The following TRMT44 variants were observed in gnomAD, a reference collection of about 807,000 sequenced individuals.
The protein encoded by TRMT44 is tRNA methyltransferase 44 homolog.
Under a neutral mutation model 77.3 loss-of-function variants are expected in TRMT44, and 78 were observed. The observed-to-expected ratio is 1.01, with a 90% confidence interval of 0.84 to 1.22. The LOEUF (loss-of-function observed/expected upper bound fraction) is 1.22. Among genes scored for constraint, TRMT44 ranks in the 50% most tolerant of loss-of-function variants. TRMT44 has a pLI of 0.00. For synonymous variants in TRMT44, 391 were observed against 383.3 expected, an observed-to-expected ratio of 1.02 and a Z score of -0.23; for missense variants, 1,090 against 964.4, an observed-to-expected ratio of 1.13 and a Z score of -1.73.
chr4:8,477,373 C>T (rs1257311013), downstream of TRMT44: 1 of 152,270 alleles, frequency 6.6e-6, no homozygotes, highest in Non-Finnish European at 1.5e-5. Context: ...AGGTGCCTGG[C>T]CCTGGAAGTG....
At position 8,476,163 on chromosome 4, in the gene TRMT44, A is replaced by G; in HGVS notation, c.*162A>G. The G allele has an allele frequency of 3.0e-6, 2 of 673,896 alleles. No homozygotes were observed. Among genetic ancestry groups the G allele is most frequent in the South Asian group, 3.8e-5 (2 of 52,268 alleles). 41.7% of individuals were successfully genotyped at this position (673,896 alleles called of 1,614,324 possible). ...TGATGAACCGTATTTCATAAACATCACACGCCAGAGAAGCCACAGTTACTC... is the reference window on the plus strand; with the variant it reads ...TGATGAACCGTATTTCATAAACATCGCACGCCAGAGAAGCCACAGTTACTC... On this transcript the variant is annotated 3_prime_UTR_variant, in exon 11 of 11. Coordinates refer to ENST00000389737, the MANE Select transcript of TRMT44 (RefSeq NM_152544.3).
intron 6 of TRMT44, among the ~76,000 whole-genome samples, chr4:8,459,653 A>T (rs988782994): frequency 6.6e-6 from 1 of 152,206 alleles, no homozygotes. Flanking sequence ...AAAAGGTCCT[A>T]CTTCAGATAT....
At chr4:8,485,066 G>A (rs1258201229) in intron 2 of TRMT44, among the ~76,000 whole-genome samples, 1 of 152,176 alleles carries the variant, frequency 6.6e-6, no homozygotes, top group East Asian at 1.9e-4. Flanking sequence ...ATTGAATAAG[G>A]TGAGAAGCAG....
chr4:8,490,894 AG>A (rs1474637164), intron 2 of TRMT44, among the ~76,000 whole-genome samples: 1 of 152,166 alleles, frequency 6.6e-6, no homozygotes, highest in East Asian at 1.9e-4. Flanking sequence ...CTAGATACAA[AG>A]GTTCTCCACG....
chr4:8,477,440 A>T (rs995482934), downstream of TRMT44: 3 of 152,180 alleles, frequency 2.0e-5, no homozygotes, highest in Non-Finnish European at 4.4e-5. Context: ...GGCAGGCCCC[A>T]GTTTGTCGAG....
rs1028632860 is a variant in TRMT44 at position 8,487,641 on chromosome 4, A to C, written n.3892-5625A>C. Among the ~76,000 whole-genome samples, 7 of 152,052 alleles carry C rather than the reference A, an allele frequency of 4.6e-5. No individual in the cohort carries two copies. In the East Asian group the frequency reaches 1.4e-3, roughly 30 times the overall value. On this transcript the variant is annotated intron_variant and non_coding_transcript_variant, in intron 2 of 2. Transcript: ENST00000511366. ...GATAAGAGGTCGGGGCGTGGAAATA[A>C]GGGATTGGGGGTTCTTGCCCCCTAG...
intron 10 of TRMT44, among the ~76,000 whole-genome samples, chr4:8,475,300 C>T (rs997745666): frequency 6.6e-6 from 1 of 152,184 alleles, no homozygotes; most frequent in Non-Finnish European, 1.5e-5. Flanking sequence ...CACCGTGGTC[C>T]CTCCTTCCTC....
chr4:8,467,982 T>C lies in TRMT44; in HGVS notation c.1563T>C (p.Thr521=). ...SREASVDEKR[T]QYIKSRRGCP... is the part of the protein sequence containing the mutation. ...AAGCTTCCGTGGATGAAAAGAGGACTCAGTACATTAAGAGCAGGCGGGGCT... is the reference window on the plus strand; with the variant it reads ...AAGCTTCCGTGGATGAAAAGAGGACCCAGTACATTAAGAGCAGGCGGGGCT... The change falls in exon 9 of 11, where the codon ACT becomes ACC. Residue 521 remains threonine, a synonymous_variant. Coordinates refer to ENST00000389737, the MANE Select transcript of TRMT44 (RefSeq NM_152544.3). 6.2e-7 allele frequency: 1 copy of C among 1,614,176 alleles called. No individual in the cohort carries two copies. The highest frequency in any genetic ancestry group is 8.5e-7 in the Non-Finnish European group (1 of 1,180,030).
chr4:8,468,739 T>C (rs768399693), intron 9 of TRMT44, among the ~76,000 whole-genome samples: 16 of 152,236 alleles, frequency 1.1e-4, no homozygotes, highest in Non-Finnish European at 2.2e-4. Context: ...GATAATTTAA[T>C]TCTCTTTGAA....
chr4:8,464,571 G>A (rs1428572142), intron 7 of TRMT44, among the ~76,000 whole-genome samples: 3 of 152,190 alleles, frequency 2.0e-5, no homozygotes, highest in East Asian at 1.9e-4. Context: ...CCTCGTTGAC[G>A]TTTCGTTGCT....
chr4:8,484,747 G>A (rs1469784465), intron 2 of TRMT44, among the ~76,000 whole-genome samples: 1 of 152,260 alleles, frequency 6.6e-6, no homozygotes, highest in East Asian at 1.9e-4. Flanking sequence ...TTCCTTTTGT[G>A]AGTTTATATA....
In TRMT44 at chr4:8,440,870, C is replaced by G. The variant is rs1047344300; in HGVS notation, c.48C>G (p.Leu16=). ...GGATCAGCTACCCAGGCGCGCTTCT[C>G]CCACAGGGCTTCTGGGCTGCGGTCG... ...RTGISYPGAL[L]PQGFWAAVEV... Residue 16 remains leucine (L), a synonymous_variant, in exon 1 of 11, where the codon CTC becomes CTG. Coordinates refer to ENST00000389737, the MANE Select transcript of TRMT44 (RefSeq NM_152544.3). 2.5e-5 allele frequency: 38 copies of G among 1,523,368 alleles called. No homozygotes were observed. Among genetic ancestry groups the G allele is most frequent in the Non-Finnish European group, 3.1e-5 (35 of 1,142,308 alleles). 94.4% of individuals were successfully genotyped at this position (1,523,368 alleles called of 1,614,324 possible). A position where few individuals can be genotyped will look rare whatever the true frequency, so the allele number is the denominator to read the frequency against.
chr4:8,456,755 G>A (rs1026715380), intron 6 of TRMT44, among the ~76,000 whole-genome samples: 8 of 152,336 alleles, frequency 5.3e-5, no homozygotes, highest in Admixed American at 3.3e-4. Context: ...AGGTTCTAAA[G>A]CTGGAGAATT....
At chr4:8,509,829 G>A in the TRMT44 span, 1 of 152,410 alleles carries the variant, frequency 6.6e-6, no homozygotes, top group East Asian at 1.9e-4. Context: ...TCACGGGGAA[G>A]CGAGAGCAGC....
At chr4:8,508,245 G>A in the TRMT44 span, among the ~76,000 whole-genome samples, 1 of 152,212 alleles carries the variant, frequency 6.6e-6, no homozygotes, top group Non-Finnish European at 1.5e-5. Flanking sequence ...TTTCTGTGTG[G>A]GGTCCTGAGG....
At position 8,444,878 on chromosome 4, in the gene TRMT44, T is replaced by C. The variant is rs2109083947; in HGVS notation, c.620-1598T>C. ...TATACCTGCTATGTACCCACAAAAA[T>C]GAAAAATTTAAAAATTTTAAAAATC... is the stretch of plus-strand genomic sequence containing the variant. On this transcript the variant is annotated intron_variant, in intron 1 of 10. Transcript: ENST00000389737. This position sits in a 1 kb window ranked among gnomAD's most constrained non-coding sequence, Gnocchi z 4.0. 6.6e-6 allele frequency among the ~76,000 whole-genome samples: 1 copy of C among 152,320 alleles called. No homozygotes were observed. Among genetic ancestry groups the C allele is most frequent in the South Asian group, 2.1e-4 (1 of 4,830 alleles).
intron 6 of TRMT44, among the ~76,000 whole-genome samples, chr4:8,458,145 G>A (rs1041709705): frequency 2.0e-5 from 3 of 152,300 alleles, no homozygotes; most frequent in South Asian, 4.1e-4. Context: ...ACTCTTCTGC[G>A]ATATGCACTG....
At chr4:8,460,429 C>T (rs1376228014) in intron 6 of TRMT44, among the ~76,000 whole-genome samples, 1 of 152,212 alleles carries the variant, frequency 6.6e-6, no homozygotes, top group African/African-American at 2.4e-5. Flanking sequence ...TTATTCTTTT[C>T]TCTATCACTT....
At chr4:8,493,798 C>T (rs1193257651), downstream of TRMT44, among the ~76,000 whole-genome samples, 2 of 151,966 alleles carry the variant, frequency 1.3e-5, no homozygotes, top group South Asian at 4.2e-4. Flanking sequence ...TGTCCTTGCT[C>T]ATCAGGGCCA....
Sources: allele counts gnomAD v4.1 joint callset (sites outside exome capture counted in the v4.1 genomes callset), GRCh38; gene constraint gnomAD v4.1.1; non-coding constraint Gnocchi (gnomAD v3.1); transcripts MANE v1.5; gene names NCBI Gene and HGNC (gene_info 2026-07-23, HGNC 2026-07-21).